EML5: variants seen among roughly 807,000 people sequenced by gnomAD.
EML5 encodes the protein EMAP like 5.
EML5 carries 120 observed loss-of-function variants against 250.0 expected under a neutral mutation model. That is an observed-to-expected ratio of 0.48 (90% CI 0.41 to 0.56). The LOEUF (loss-of-function observed/expected upper bound fraction) is 0.56, where lower values mean the gene tolerates loss of function less well. EML5 is among the 20% of genes least tolerant of loss of function. The pLI is 0.00. For missense variants in EML5, 2,006 were observed against 2,437.6 expected (o/e 0.82, Z 3.73); for synonymous variants, 771 against 806.5 (o/e 0.96, Z 0.75).
chr14:88,751,812 A>C (rs554156930), intron 2 of EML5, among the ~76,000 whole-genome samples: 9 of 152,276 alleles, frequency 5.9e-5, no homozygotes, highest in African/African-American at 2.2e-4. Context: ...CCAGATAAAG[A>C]AGCCTCTATC....
chr14:88,736,263 T>G (rs1256222290), intron 7 of EML5, 101 bp downstream of exon 7: 2 of 1,345,800 alleles, frequency 1.5e-6, no homozygotes, highest in East Asian at 2.3e-5. Flanking sequence ...CCTCCCAAAG[T>G]GCTGGGATTA....
chr14:88,703,918 C>T (rs200826655), intron 13 of EML5, among the ~76,000 whole-genome samples: 2 of 152,116 alleles, frequency 1.3e-5, no homozygotes, highest in East Asian at 3.9e-4. Flanking sequence ...ATGAAACTTT[C>T]ATAAGACAAA....
chr14:88,721,321 CA>C (rs761136340), intron 8 of EML5, among the ~76,000 whole-genome samples: 2 of 152,054 alleles, frequency 1.3e-5, no homozygotes, highest in Non-Finnish European at 2.9e-5. Flanking sequence ...CAATCCTAAG[CA>C]AAAAGAACAA....
intron 1 of EML5, among the ~76,000 whole-genome samples, chr14:88,779,163 T>C (rs1159084328): frequency 1.3e-5 from 2 of 152,214 alleles, no homozygotes; most frequent in Non-Finnish European, 2.9e-5. Context: ...AAATATACCT[T>C]CGTTATTAAG....
At chr14:88,764,394 T>G (rs1314013613) in intron 1 of EML5, among the ~76,000 whole-genome samples, 2 of 152,234 alleles carry the variant, frequency 1.3e-5, no homozygotes, top group East Asian at 3.8e-4. Flanking sequence ...AGTTGTCAAA[T>G]GTATAAGTTG....
At chr14:88,734,529 A>C (rs1413595801) in intron 7 of EML5, among the ~76,000 whole-genome samples, 2 of 152,120 alleles carry the variant, frequency 1.3e-5, no homozygotes, top group Non-Finnish European at 2.9e-5. Flanking sequence ...GTGGTCTTAA[A>C]ATTTCAAAGA....
rs1162645279 is a variant in EML5 at position 88,792,466 on chromosome 14, A to C, written c.38T>G (p.Leu13Arg). The stretch of plus-strand genomic sequence containing the variant: ...GCCCCGGTAGCCGTACACCCACTCG[A>C]GCCGCAGGTGGCAGCTCGGGGCGCT... Reference protein sequence around the residue: ...ARSAPSCHLRLEWVYGYRGHQ... With the variant: ...ARSAPSCHLRREWVYGYRGHQ... The change falls in exon 1 of 44, where the codon CTC becomes CGC. Residue 13 changes from leucine to arginine, a missense_variant. Around this residue, in one of 7 missense-constraint regions of EML5, gnomAD observed 162 missense variants for 212.2 expected, o/e 0.76. Transcript: ENST00000554922. The surrounding 1 kb of genome is among the most constrained non-coding windows in gnomAD (Gnocchi z 6.9). The C allele has an allele frequency of 6.7e-7, 1 of 1,501,224 alleles. No homozygotes were observed. Among genetic ancestry groups the C allele is most frequent in the South Asian group, 1.3e-5 (1 of 78,962 alleles). The allele number at this position is 1,501,224 out of a possible 1,614,324, so 93.0% of individuals were successfully genotyped here.
chr14:88,761,198 GTTT>G (rs1216313681), intron 1 of EML5, among the ~76,000 whole-genome samples: 3 of 151,796 alleles, frequency 2.0e-5, no homozygotes, highest in African/African-American at 7.3e-5. Context: ...GCAGGATGTT[GTTT>G]TTTTAAAATT....
intron 4 of EML5, 44 bp from the exon 5 acceptor site, chr14:88,740,616 A>G: frequency 6.9e-7 from 1 of 1,457,410 alleles, no homozygotes; most frequent in South Asian, 1.5e-5. Context: ...GAATTCTTAT[A>G]AAATAAAGTA....
intron 21 of EML5, among the ~76,000 whole-genome samples, chr14:88,678,401 A>T (rs1409585665): frequency 1.3e-5 from 2 of 152,154 alleles, no homozygotes; most frequent in Admixed American, 6.5e-5. Context: ...TCCCTATGTG[A>T]CAAACCTGCA....
chr14:88,783,507 A>T (rs539192717), intron 1 of EML5, among the ~76,000 whole-genome samples: 9 of 152,240 alleles, frequency 5.9e-5, no homozygotes, highest in Non-Finnish European at 1.2e-4. Context: ...AAACCAAAAA[A>T]GAGCAGGAGT....
chr14:88,750,517 T>G (rs2140339978), intron 2 of EML5, among the ~76,000 whole-genome samples: 1 of 152,282 alleles, frequency 6.6e-6, no homozygotes, highest in Non-Finnish European at 1.5e-5. Context: ...ATATGACTGA[T>G]GTTACATAAA....
intron 11 of EML5, chr14:88,705,864 T>C (rs1761078726): frequency 6.7e-6 from 4 of 592,768 alleles, no homozygotes; most frequent in Non-Finnish European, 1.3e-5. Context: ...CAAATATAAG[T>C]GAATATAACC....
intron 1 of EML5, among the ~76,000 whole-genome samples, chr14:88,783,223 C>A (rs1337438392): frequency 1.3e-5 from 2 of 152,168 alleles, no homozygotes. Context: ...AGCCCCCACA[C>A]ACAAATGTGG....
At chr14:88,648,752 G>A (rs932967327) in intron 28 of EML5, among the ~76,000 whole-genome samples, 1 of 151,992 alleles carries the variant, frequency 6.6e-6, no homozygotes, top group African/African-American at 2.4e-5. Context: ...CCTTTAAAAT[G>A]TAGAGATCAG....
In EML5 at chr14:88,773,819, T is replaced by TA. The variant is rs60736260; in HGVS notation, c.197+18487dup. ...TTATATTAACATCACCTGGAGGTGA[T>TA]AAAAAACTTATTACTGGGGCCGGGC... On this transcript the variant is annotated intron_variant, in intron 1 of 43. Transcript: ENST00000554922. Among the ~76,000 whole-genome samples the TA allele has an allele frequency of 2.6e-5, 4 of 151,914 alleles. No homozygotes were observed. The South Asian group carries it at 6.2e-4, about 24-fold the overall frequency.
At chr14:88,791,288 T>C (rs2140903109) in intron 1 of EML5, among the ~76,000 whole-genome samples, 1 of 152,310 alleles carries the variant, frequency 6.6e-6, no homozygotes, top group East Asian at 1.9e-4. Context: ...GCAACATACA[T>C]GAGGGAATAA....
chr14:88,689,011 A>G (rs996849014), intron 17 of EML5, among the ~76,000 whole-genome samples: 5 of 152,180 alleles, frequency 3.3e-5, no homozygotes, highest in African/African-American at 1.2e-4. Context: ...ATTCTTTGCA[A>G]CTTGCTTTAT....
intron 20 of EML5, among the ~76,000 whole-genome samples, chr14:88,683,220 C>G (rs1437685145): frequency 7.4e-6 from 1 of 135,092 alleles, no homozygotes; most frequent in East Asian, 2.1e-4. Flanking sequence ...AAACCGTAGG[C>G]CAGCTAGTTT....
Sources: gnomAD v4.1 joint callset for allele counts (sites outside exome capture counted in the v4.1 genomes callset) on GRCh38, gnomAD v4.1.1 for gene constraint, gnomAD v4.1.1 regional missense constraint, Gnocchi (gnomAD v3.1) non-coding constraint, MANE v1.5 for transcripts, NCBI Gene and HGNC (gene_info 2026-07-23, HGNC 2026-07-21) for gene names.